The following TARBP1 variants were observed in gnomAD, a reference collection of about 807,000 sequenced individuals.
The protein encoded by TARBP1 is tRNA (guanosine(18)-2'-O)-methyltransferase TARBP1.
TARBP1 carries 144 observed loss-of-function variants against 178.6 expected under a neutral mutation model. The ratio of observed to expected loss-of-function variants is 0.81; its 90% CI spans 0.70 to 0.93. The LOEUF is 0.93. Ranked by LOEUF, TARBP1 falls within the 40% of genes least tolerant of loss-of-function variation. The pLI, the probability that TARBP1 is intolerant of heterozygous loss-of-function variation, is 0.00. For missense variants in TARBP1, 2,067 were observed against 2,011.7 expected, an observed-to-expected ratio of 1.03 and a Z score of -0.53; for synonymous variants, 787 against 781.0, an observed-to-expected ratio of 1.01 and a Z score of -0.13.
Position 234,393,786 on chromosome 1 carries a change from T to G in TARBP1, c.4295A>C (p.Lys1432Thr). The change falls in exon 27 of 30, where the codon AAG becomes ACG. Residue 1432 changes from lysine to threonine, a missense_variant. Coordinates refer to ENST00000040877, the MANE Select transcript of TARBP1 (RefSeq NM_005646.4). Reference sequence around the variant, plus strand: ...ACGACTGTTCCACGGGATAATCTTCTTCTGAACGTCGGTCCACTCCGCTTG... The same window carrying G: ...ACGACTGTTCCACGGGATAATCTTCGTCTGAACGTCGGTCCACTCCGCTTG... ...DNQAEWTDVQ[K>T]KIIPWNSRVS... is the part of the protein sequence containing the mutation. 6.2e-7 allele frequency: 1 copy of G among 1,613,964 alleles called. No individual in the cohort carries two copies. The highest frequency in any genetic ancestry group is 1.7e-5 in the Admixed American group (1 of 60,008).
Position 234,472,729 on chromosome 1 carries a change from A to C in TARBP1, c.1014T>G (p.Thr338=). Residue 338 remains threonine, a synonymous_variant, in exon 2 of 30, where the codon ACT becomes ACG. Coordinates refer to ENST00000040877, the MANE Select transcript of TARBP1 (RefSeq NM_005646.4). ...AAACACTTACCTGATTTCCTTCTAA[A>C]GTCTCCATAATTAAAATATAATTTT... ...FWENYILIME[T]LEGNQIHVIK... The C allele has an allele frequency of 6.3e-7, 1 of 1,592,726 alleles. No homozygotes were observed. Among genetic ancestry groups the C allele is most frequent in the Non-Finnish European group, 8.5e-7 (1 of 1,172,174 alleles).
At chr1:234,416,441 T>A (rs1291477245) in intron 22 of TARBP1, among the ~76,000 whole-genome samples, 1 of 151,970 alleles carries the variant, frequency 6.6e-6, no homozygotes, top group Non-Finnish European at 1.5e-5. Flanking sequence ...GGACCACAGG[T>A]GTGCACCACC....
chr1:234,470,192 G>T (rs984544295), intron 3 of TARBP1, among the ~76,000 whole-genome samples: 1 of 151,998 alleles, frequency 6.6e-6, no homozygotes, highest in South Asian at 2.1e-4. Flanking sequence ...GCCTGAACCC[G>T]GGAAGCAGAG....
chr1:234,457,860 T>C, intron 8 of TARBP1, 104 bp from the exon 9 acceptor site: 1 of 690,962 alleles, frequency 1.4e-6, no homozygotes, highest in Non-Finnish European at 2.4e-6. Context: ...TTAAAGTAGG[T>C]TATCATTAGC....
chr1:234,469,414 C>A (rs1423085080), intron 3 of TARBP1, among the ~76,000 whole-genome samples: 2 of 151,992 alleles, frequency 1.3e-5, no homozygotes, highest in African/African-American at 4.8e-5. Flanking sequence ...GAGCTGTGGG[C>A]AAAATGTGGT....
intron 1 of TARBP1, among the ~76,000 whole-genome samples, chr1:234,477,775 C>T (rs777743247): frequency 6.6e-6 from 1 of 152,198 alleles, no homozygotes; most frequent in Non-Finnish European, 1.5e-5. Flanking sequence ...ACTCAATTCA[C>T]TAATTCACTG....
Position 234,478,333 on chromosome 1 carries a change from C to T in TARBP1, c.771G>A (p.Pro257=), listed in dbSNP as rs543181099. The change falls in exon 1 of 30, where the codon CCG becomes CCA. Residue 257 remains proline (P), a synonymous_variant. Coordinates refer to ENST00000040877, the MANE Select transcript of TARBP1 (RefSeq NM_005646.4). ...DRARGAREAG[P]DARRCWRFWR... Reference sequence around the variant, plus strand: ...AGAAGCGCCAGCAGCGCCGGGCGTCCGGGCCCGCCTCGCGCGCGCCGCGGG... The same window carrying T: ...AGAAGCGCCAGCAGCGCCGGGCGTCTGGGCCCGCCTCGCGCGCGCCGCGGG... 2 of 1,321,762 alleles carry T rather than the reference C, an allele frequency of 1.5e-6. No homozygotes were observed. Among genetic ancestry groups the T allele is most frequent in the Non-Finnish European group, 1.9e-6 (2 of 1,039,608 alleles). The allele number at this position is 1,321,762 out of a possible 1,614,324, so 81.9% of individuals were successfully genotyped here.
chr1:234,468,349 G>A (rs756707429), intron 3 of TARBP1, among the ~76,000 whole-genome samples: 14 of 152,082 alleles, frequency 9.2e-5, no homozygotes, highest in Non-Finnish European at 1.6e-4. Context: ...AGCTACTGGT[G>A]GGGGAGGGAC....
intron 9 of TARBP1, 47 bp downstream of exon 9, chr1:234,457,620 A>AT: frequency 7.2e-7 from 1 of 1,380,568 alleles, no homozygotes; most frequent in South Asian, 1.3e-5. Flanking sequence ...TAAGAAAACC[A>AT]TTTTTTATAG....
chr1:234,424,990 G>A (rs2103110546), intron 20 of TARBP1, among the ~76,000 whole-genome samples: 1 of 152,170 alleles, frequency 6.6e-6, no homozygotes, highest in Non-Finnish European at 1.5e-5. Flanking sequence ...GAATCCAGGA[G>A]GCAGAGGTTG....
chr1:234,417,459 G>C (rs905494249), intron 22 of TARBP1, among the ~76,000 whole-genome samples: 1 of 152,160 alleles, frequency 6.6e-6, no homozygotes, highest in African/African-American at 2.4e-5. Flanking sequence ...TATTATGAAA[G>C]GGAAAGGTGC....
At chr1:234,472,329 CAAAA>C (rs1160411119) in intron 2 of TARBP1, among the ~76,000 whole-genome samples, 5,896 of 45,818 alleles carry the variant, frequency 0.13, 254 homozygotes, top group African/African-American at 0.18. Context: ...ACTCTGTCTC[CAAAA>C]AAAAAAAAAA....
intron 22 of TARBP1, among the ~76,000 whole-genome samples, chr1:234,417,194 G>A (rs900003743): frequency 1.3e-5 from 2 of 152,194 alleles, no homozygotes; most frequent in Non-Finnish European, 2.9e-5. Context: ...TCAGTGATTT[G>A]AGGAAGGCAA....
chr1:234,403,729 G>C (rs1660933693), intron 24 of TARBP1, among the ~76,000 whole-genome samples: 1 of 152,138 alleles, frequency 6.6e-6, no homozygotes, highest in African/African-American at 2.4e-5. Flanking sequence ...TGTTGCCGAG[G>C]CTGGAGTGCA....
chr1:234,434,040 T>C (rs1304306474), intron 13 of TARBP1, among the ~76,000 whole-genome samples: 1 of 152,190 alleles, frequency 6.6e-6, no homozygotes, highest in Non-Finnish European at 1.5e-5. Flanking sequence ...TTTTGACTCA[T>C]AAACCCAGAA....
chr1:234,395,131 C>T (rs377130681), intron 26 of TARBP1, among the ~76,000 whole-genome samples: 8 of 151,986 alleles, frequency 5.3e-5, no homozygotes, highest in South Asian at 2.1e-4. Context: ...GGCTGAGGCA[C>T]GAGAATCGCT....
Position 234,478,639 on chromosome 1 carries a change from C to T in TARBP1, c.465G>A (p.Glu155=). The T allele has an allele frequency of 2.3e-5, 30 of 1,286,790 alleles. No homozygotes were observed. The highest frequency in any genetic ancestry group is 2.9e-5 in the Non-Finnish European group (30 of 1,017,364). The allele number at this position is 1,286,790 out of a possible 1,614,324, so 79.7% of individuals were successfully genotyped here. A position where few individuals can be genotyped will look rare whatever the true frequency, so the allele number is the denominator to read the frequency against. The change falls in exon 1 of 30, where the codon GAG becomes GAA. Residue 155 remains glutamate, a synonymous_variant. Coordinates refer to ENST00000040877, the MANE Select transcript of TARBP1 (RefSeq NM_005646.4). ...CCACGCGCTCCAGTAGCGGCCCGTC[C>T]TCGCGGGGCCGCAAACATGGCCCGA... is the stretch of plus-strand genomic sequence containing the variant. ...AAVGPCLRPR[E]DGPLLERVAG... is the part of the protein sequence containing the mutation.
chr1:234,393,560 T>C (rs994861007), intron 27 of TARBP1, 74 bp from the exon 28 acceptor site: 31 of 1,573,356 alleles, frequency 2.0e-5, no homozygotes, highest in Non-Finnish European at 2.4e-5. Context: ...ATACATTCCT[T>C]TGAAGCTCCC....
At chr1:234,474,503 A>G (rs1394927106) in intron 1 of TARBP1, among the ~76,000 whole-genome samples, 1 of 152,212 alleles carries the variant, frequency 6.6e-6, no homozygotes, top group Non-Finnish European at 1.5e-5. Flanking sequence ...TGCCCAGCAC[A>G]AGGATGAAAA....
Sources: gnomAD v4.1 joint callset for allele counts (sites outside exome capture counted in the v4.1 genomes callset) on GRCh38, gnomAD v4.1.1 for gene constraint, MANE v1.5 for transcripts, NCBI Gene and HGNC (gene_info 2026-07-23, HGNC 2026-07-21) for gene names.